The following DYNC2H1 variants were observed in gnomAD, a reference collection of about 807,000 sequenced individuals.
DYNC2H1 encodes cytoplasmic dynein 2 heavy chain 1.
In DYNC2H1, 410 loss-of-function variants were observed where a neutral mutation model predicts 570.0. The ratio of observed to expected loss-of-function variants is 0.72; its 90% confidence interval spans 0.66 to 0.78. The LOEUF (loss-of-function observed/expected upper bound fraction) is 0.78, where lower values mean the gene tolerates loss of function less well. Ranked by LOEUF, DYNC2H1 falls within the 30% of genes least tolerant of loss-of-function variation. DYNC2H1 has a pLI of 0.00. For synonymous variants in DYNC2H1, 1,688 were observed against 1,677.6 expected (o/e 1.01, Z -0.15); for missense variants, 4,865 against 5,046.4 (o/e 0.96, Z 1.09).
chr11:103,171,412 C>T (rs577171210), intron 34 of DYNC2H1, among the ~76,000 whole-genome samples: 4 of 152,002 alleles, frequency 2.6e-5, no homozygotes, highest in African/African-American at 7.2e-5. Context: ...CCCGCCACCA[C>T]GCCCAGCTAA....
intron 81 of DYNC2H1, among the ~76,000 whole-genome samples, chr11:103,323,395 A>G (rs1938310886): frequency 6.6e-6 from 1 of 152,140 alleles, no homozygotes; most frequent in Admixed American, 6.5e-5. Context: ...AAAGCAATTT[A>G]CAAAGCAGTG....
chr11:103,316,679 T>C (rs1340550358), intron 80 of DYNC2H1, 59 bp downstream of exon 80: 4 of 1,276,670 alleles, frequency 3.1e-6, no homozygotes, highest in African/African-American at 1.6e-5. Flanking sequence ...TGAGGTCTTA[T>C]TAACTATGTT....
chr11:103,158,832 A>G (rs1475368525), intron 27 of DYNC2H1, 23 bp downstream of exon 27: 16 of 1,454,712 alleles, frequency 1.1e-5, no homozygotes, highest in African/African-American at 1.4e-5. Flanking sequence ...AGAAAAAAAT[A>G]TATAATAAAT....
intron 63 of DYNC2H1, among the ~76,000 whole-genome samples, chr11:103,237,355 C>T (rs1864257096): frequency 1.3e-5 from 2 of 151,842 alleles, no homozygotes; most frequent in African/African-American, 4.8e-5. Context: ...CTTTATGTAG[C>T]ATAAACTGTA....
chr11:103,271,357 A>T (rs7118322), intron 70 of DYNC2H1, among the ~76,000 whole-genome samples: 11,656 of 152,256 alleles, frequency 0.077, 1,465 homozygotes, highest in African/African-American at 0.26. Flanking sequence ...GCATAAAATT[A>T]TTCATGAAAA....
intron 76 of DYNC2H1, 34 bp downstream of exon 76, chr11:103,303,287 G>A (rs1463885331): frequency 6.3e-7 from 1 of 1,589,692 alleles, no homozygotes; most frequent in Non-Finnish European, 8.6e-7. Context: ...TTTTGTTTTT[G>A]CTATTGCTGT....
chr11:103,222,863 T>C (rs1863641686), intron 58 of DYNC2H1, 102 bp from the exon 59 acceptor site: 1 of 1,437,508 alleles, frequency 7.0e-7, no homozygotes, highest in African/African-American at 1.4e-5. Flanking sequence ...CTACTTTATT[T>C]GGGTCAAGTT....
intron 52 of DYNC2H1, among the ~76,000 whole-genome samples, chr11:103,207,251 A>G (rs1862975466): frequency 2.8e-5 from 3 of 108,400 alleles, no homozygotes; most frequent in South Asian, 3.0e-4. Flanking sequence ...TTAAAAAAAG[A>G]TGGGACACAC....
rs1270232358 is a variant in DYNC2H1 at position 103,261,415 on chromosome 11, G to C, written c.10695+1438G>C. ...CCTCCTGACTGGGAGACACCTCCCA[G>C]AAGGGGTCGACAGACATCTCATATA... On this transcript the variant is annotated intron_variant, in intron 70 of 88. Coordinates refer to ENST00000375735, the MANE Select transcript of DYNC2H1 (RefSeq NM_001377.3). This position sits in a 1 kb window ranked among gnomAD's most constrained non-coding sequence, Gnocchi z 4.8. Among the ~76,000 whole-genome samples the C allele has an allele frequency of 6.6e-6, 1 of 152,216 alleles. No homozygotes were observed.
chr11:103,457,118 C>T (rs184896625), intron 87 of DYNC2H1, among the ~76,000 whole-genome samples: 41 of 152,272 alleles, frequency 2.7e-4, no homozygotes, highest in Admixed American at 1.7e-3. Context: ...CATTTTGGTG[C>T]ACACATTAGT....
chr11:103,173,019 A>G lies in DYNC2H1; in HGVS notation c.5335-63A>G, dbSNP rs980283821. On this transcript the variant is annotated intron_variant, in intron 34 of 88. Transcript: ENST00000375735. ...ATAGTTTCAAATATAAACGATGCCT[A>G]TATGTTAAATATTTTAACTTAATAT... 1.1e-5 allele frequency: 10 copies of G among 875,212 alleles called. 1 individual carries two copies. In the Admixed American group the frequency reaches 3.4e-4, roughly 30 times the overall value. 54.2% of individuals were successfully genotyped at this position (875,212 alleles called of 1,614,324 possible).
At chr11:103,298,368 C>T (rs1346878935) in intron 75 of DYNC2H1, among the ~76,000 whole-genome samples, 4 of 152,016 alleles carry the variant, frequency 2.6e-5, no homozygotes, top group Non-Finnish European at 4.4e-5. Flanking sequence ...CTTTAATATA[C>T]GTTTTTTGTG....
chr11:103,442,216 C>T (rs139863803), intron 85 of DYNC2H1, among the ~76,000 whole-genome samples: 15 of 151,848 alleles, frequency 9.9e-5, no homozygotes, highest in South Asian at 6.2e-4. Context: ...GTTCTTAAGT[C>T]GTAGAAATAC....
At chr11:103,387,144 A>G (rs1382479293) in intron 83 of DYNC2H1, among the ~76,000 whole-genome samples, 9 of 152,106 alleles carry the variant, frequency 5.9e-5, no homozygotes, top group Admixed American at 3.3e-4. Flanking sequence ...CTATTTCTCC[A>G]CATCCTCTCC....
intron 63 of DYNC2H1, among the ~76,000 whole-genome samples, chr11:103,236,834 A>G (rs1864242776): frequency 1.3e-5 from 2 of 151,924 alleles, no homozygotes; most frequent in African/African-American, 2.4e-5. Flanking sequence ...TTCATTGGTT[A>G]TATAGTTTCT....
rs1945406275 is a variant in DYNC2H1, at chr11:103,472,046, T to C, written c.12765+3341T>C. The stretch of plus-strand genomic sequence containing the variant: ...AGACAGAAGTAGCAGCATATGTAAA[T>C]ATATGCAGATAGAAAAGAGCTTAGG... On this transcript the variant is annotated intron_variant, in intron 88 of 88. Coordinates refer to ENST00000375735, the MANE Select transcript of DYNC2H1 (RefSeq NM_001377.3). This position sits in a 1 kb window ranked among gnomAD's most constrained non-coding sequence, Gnocchi z 4.1. 6.6e-6 allele frequency among the ~76,000 whole-genome samples: 1 copy of C among 152,122 alleles called. No homozygotes were observed. Among genetic ancestry groups the C allele is most frequent in the Admixed American group, 6.5e-5 (1 of 15,272 alleles).
chr11:103,116,914 A>C (rs908526315), intron 5 of DYNC2H1, among the ~76,000 whole-genome samples, 200 bp downstream of exon 5: 2 of 151,838 alleles, frequency 1.3e-5, no homozygotes, highest in Admixed American at 6.6e-5. Context: ...TGAACCATTG[A>C]TATAACCAAA....
chr11:103,115,162 T>A lies in DYNC2H1; in HGVS notation c.503-15T>A. ...GATATTCTATGCCATTTTTTTCCCC[T>A]CTTGACTTTTATAGGTATCCTTACA... On this transcript the variant is annotated splice_polypyrimidine_tract_variant and intron_variant, in intron 3 of 88. Coordinates refer to ENST00000375735, the MANE Select transcript of DYNC2H1 (RefSeq NM_001377.3). The A allele has an allele frequency of 6.3e-7, 1 of 1,583,260 alleles. No homozygotes were observed.
At chr11:103,283,106 G>A in intron 73 of DYNC2H1, 21 bp downstream of exon 73, 1 of 1,576,918 alleles carries the variant, frequency 6.3e-7, no homozygotes, top group Middle Eastern at 1.7e-4. Context: ...TCTACTATGA[G>A]ACATGTTTTA....
Sources: gnomAD v4.1 joint callset for allele counts (sites outside exome capture counted in the v4.1 genomes callset) on GRCh38, gnomAD v4.1.1 for gene constraint, Gnocchi (gnomAD v3.1) non-coding constraint, MANE v1.5 for transcripts, NCBI Gene and HGNC (gene_info 2026-07-23, HGNC 2026-07-21) for gene names.